Variants in NSD1 observed in about 807,000 individuals in gnomAD.
NSD1 encodes histone-lysine N-methyltransferase, H3 lysine-36 specific.
In NSD1, 26 loss-of-function variants were observed where a neutral mutation model predicts 242.7. That is an observed-to-expected ratio of 0.11 (90% CI 0.08 to 0.15). The LOEUF is 0.15. Among genes scored for constraint, NSD1 ranks in the 10% least tolerant of loss-of-function variants. The pLI is 1.00. For synonymous variants in NSD1, 1,106 were observed against 1,178.1 expected, an observed-to-expected ratio of 0.94 and a Z score of 1.25; for missense variants, 2,495 against 3,272.8, an observed-to-expected ratio of 0.76 and a Z score of 5.80.
At chr5:177,221,251 T>C (rs2149864390) in intron 5 of NSD1, among the ~76,000 whole-genome samples, 1 of 152,254 alleles carries the variant, frequency 6.6e-6, no homozygotes, top group East Asian at 1.9e-4. Flanking sequence ...TCGTCTGGTT[T>C]GTAGCTGTTT....
intron 4 of NSD1, among the ~76,000 whole-genome samples, chr5:177,207,117 A>G (rs1338007376): frequency 6.6e-6 from 1 of 151,458 alleles, no homozygotes; most frequent in Non-Finnish European, 1.5e-5. Context: ...TTGTATTTTT[A>G]GTAGAGACAG....
At chr5:177,281,958 T>G (rs1758929513) in intron 18 of NSD1, among the ~76,000 whole-genome samples, 1 of 152,196 alleles carries the variant, frequency 6.6e-6, no homozygotes, top group Non-Finnish European at 1.5e-5. Context: ...TATTTTAAAT[T>G]GAGACTTGAA....
At chr5:177,140,729 C>A (rs1370283663) in intron 2 of NSD1, among the ~76,000 whole-genome samples, 4 of 152,012 alleles carry the variant, frequency 2.6e-5, no homozygotes, top group Middle Eastern at 3.4e-3. Flanking sequence ...GGGGGTAAAT[C>A]TAAAAGATTA....
intron 3 of NSD1, among the ~76,000 whole-genome samples, chr5:177,199,241 A>G (rs773468850): frequency 6.6e-6 from 1 of 152,184 alleles, no homozygotes; most frequent in Non-Finnish European, 1.5e-5. Flanking sequence ...GGCTAGGTGT[A>G]TTAAATGCAT....
At chr5:177,239,710 G>A (rs778267104) in intron 7 of NSD1, 46 bp from the exon 8 acceptor site, 21 of 1,145,184 alleles carry the variant, frequency 1.8e-5, no homozygotes, top group Non-Finnish European at 2.8e-5. Flanking sequence ...AAATTAACTT[G>A]TGCCCAGTTT....
At chr5:177,278,280 A>G (rs528118815) in intron 17 of NSD1, among the ~76,000 whole-genome samples, 1 of 152,082 alleles carries the variant, frequency 6.6e-6, no homozygotes, top group African/African-American at 2.4e-5. Flanking sequence ...GCTAAGCTTT[A>G]TAATTTTTTT....
intron 14 of NSD1, 32 bp from the exon 15 acceptor site, chr5:177,267,530 G>T: frequency 6.2e-7 from 1 of 1,611,104 alleles, no homozygotes; most frequent in South Asian, 1.1e-5. Flanking sequence ...GCAGTCTTGT[G>T]ATCTGAATGC....
At chr5:177,245,198 C>T (rs1481215861) in intron 9 of NSD1, among the ~76,000 whole-genome samples, 1 of 152,170 alleles carries the variant, frequency 6.6e-6, no homozygotes, top group Non-Finnish European at 1.5e-5. Flanking sequence ...TCACACCAGG[C>T]ACTGTAGCCT....
chr5:177,233,651 G>A (rs1006645832), intron 5 of NSD1, among the ~76,000 whole-genome samples: 2 of 149,654 alleles, frequency 1.3e-5, no homozygotes, highest in East Asian at 2.0e-4. Context: ...TTACCAGTTC[G>A]TTATTATGCT....
chr5:177,284,109 C>T (rs919780879), intron 20 of NSD1, among the ~76,000 whole-genome samples, 181 bp downstream of exon 20: 11 of 152,194 alleles, frequency 7.2e-5, no homozygotes, highest in African/African-American at 2.4e-4. Flanking sequence ...TTTTCATCTT[C>T]CCCTGCTAAA....
chr5:177,155,712 A>G (rs1758073485), intron 2 of NSD1, among the ~76,000 whole-genome samples: 1 of 151,874 alleles, frequency 6.6e-6, no homozygotes, highest in Non-Finnish European at 1.5e-5. Context: ...TTGAGACCAG[A>G]GTCTCACTCT....
chr5:177,290,043 T>C (rs1759678430), intron 21 of NSD1, among the ~76,000 whole-genome samples: 1 of 151,814 alleles, frequency 6.6e-6, no homozygotes, highest in South Asian at 2.1e-4. Context: ...TTAGCCAGGT[T>C]GGTCTCGATC....
Position 177,296,067 on chromosome 5 carries a change from G to T in NSD1, c.*608G>T, listed in dbSNP as rs1760235557. 3 of 253,806 alleles carry T rather than the reference G, an allele frequency of 1.2e-5. No individual in the cohort carries two copies. Among genetic ancestry groups the T allele is most frequent in the South Asian group, 2.4e-4 (2 of 8,458 alleles). 15.7% of individuals were successfully genotyped at this position (253,806 alleles called of 1,614,324 possible). A position where few individuals can be genotyped will look rare whatever the true frequency, so the allele number is the denominator to read the frequency against. Reference sequence around the variant, plus strand: ...GACTCATTTTGAAATGTCCTTTGTGGCACCAGAAGTGGTTGTGTTGAGGAA... The same window carrying T: ...GACTCATTTTGAAATGTCCTTTGTGTCACCAGAAGTGGTTGTGTTGAGGAA... On this transcript the variant is annotated 3_prime_UTR_variant, in exon 23 of 23. Coordinates refer to ENST00000439151, the MANE Select transcript of NSD1 (RefSeq NM_022455.5).
intron 5 of NSD1, among the ~76,000 whole-genome samples, chr5:177,220,715 C>T (rs1203973466): frequency 8.6e-5 from 13 of 151,506 alleles, no homozygotes; most frequent in Non-Finnish European, 1.6e-4. Flanking sequence ...GGATTACAAG[C>T]GTGCACCAAC....
intron 2 of NSD1, among the ~76,000 whole-genome samples, chr5:177,186,688 C>G (rs1255893439): frequency 6.6e-6 from 1 of 152,120 alleles, no homozygotes; most frequent in Non-Finnish European, 1.5e-5. Context: ...ACGTCACTGT[C>G]AGTGAAATAA....
At chr5:177,256,480 G>A (rs2149911546) in intron 12 of NSD1, among the ~76,000 whole-genome samples, 1 of 152,058 alleles carries the variant, frequency 6.6e-6, no homozygotes, top group South Asian at 2.1e-4. Context: ...ATGGAGTTTT[G>A]CCACGTTGCC....
intron 3 of NSD1, among the ~76,000 whole-genome samples, chr5:177,193,963 G>A (rs1761901398): frequency 6.6e-6 from 1 of 151,866 alleles, no homozygotes. Flanking sequence ...TTTTAGTAGA[G>A]ACGGGGTTTC....
At chr5:177,179,856 TA>T (rs974016205) in intron 2 of NSD1, among the ~76,000 whole-genome samples, 1 of 152,154 alleles carries the variant, frequency 6.6e-6, no homozygotes, top group Admixed American at 6.6e-5. Context: ...TCTGGGCTAT[TA>T]AGAAAATTGT....
At chr5:177,206,232 T>G (rs1451825832) in intron 4 of NSD1, among the ~76,000 whole-genome samples, 1 of 152,182 alleles carries the variant, frequency 6.6e-6, no homozygotes. Context: ...ACTCCTGTCC[T>G]CAAGTGATCC....
Sources: gnomAD v4.1 joint callset for allele counts (sites outside exome capture counted in the v4.1 genomes callset) on GRCh38, gnomAD v4.1.1 for gene constraint, MANE v1.5 for transcripts, NCBI Gene and HGNC (gene_info 2026-07-23, HGNC 2026-07-21) for gene names.